WWOX: variants seen among roughly 807,000 people sequenced by gnomAD.
WWOX encodes the protein WW domain containing oxidoreductase, also known as WW domain-containing oxidoreductase.
In WWOX, 69 loss-of-function variants were observed where a neutral mutation model predicts 46.2. The observed-to-expected ratio is 1.49, with a 90% CI of 1.23 to 1.82. WWOX has a LOEUF of 1.82. Ranked by LOEUF, WWOX falls within the 40% of genes most tolerant of loss-of-function variation. The pLI, the probability that WWOX is intolerant of heterozygous loss-of-function variation, is 0.00. For synonymous variants in WWOX, 359 were observed against 202.6 expected, an observed-to-expected ratio of 1.77 and a Z score of -6.56; for missense variants, 919 against 542.6, an observed-to-expected ratio of 1.69 and a Z score of -6.89.
At chr16:78,737,956 C>G (rs752933050) in intron 8 of WWOX, among the ~76,000 whole-genome samples, 2 of 152,104 alleles carry the variant, frequency 1.3e-5, no homozygotes, top group East Asian at 1.9e-4. Flanking sequence ...TTCCCCATCC[C>G]AAGAGAAAGG....
At chr16:78,168,132 T>G (rs886734816) in intron 5 of WWOX, 2 of 152,214 alleles carry the variant, frequency 1.3e-5, no homozygotes, top group Non-Finnish European at 2.9e-5. Context: ...TTGGGCCATT[T>G]GGCTCAGCGG....
chr16:78,549,472 T>C (rs185176051), intron 8 of WWOX, among the ~76,000 whole-genome samples: 1 of 152,198 alleles, frequency 6.6e-6, no homozygotes. Flanking sequence ...AGTCATGATA[T>C]GCGGTTCAGA....
intron 8 of WWOX, among the ~76,000 whole-genome samples, chr16:78,640,391 T>A (rs118046423): frequency 0.025 from 3,790 of 152,096 alleles, 65 homozygotes; most frequent in East Asian, 0.059. Flanking sequence ...AATCCTGGTG[T>A]TCAGAATTGG....
At position 78,473,313 on chromosome 16, in the gene WWOX, G is replaced by A. The variant is rs114399571; in HGVS notation, c.1056+40561G>A. Among the ~76,000 whole-genome samples the A allele has an allele frequency of 1.9e-3, 288 of 152,178 alleles. 1 individual carries two copies. Among genetic ancestry groups the A allele is most frequent in the African/African-American group, 6.6e-3 (274 of 41,536 alleles). On this transcript the variant is annotated intron_variant, in intron 8 of 8. Coordinates refer to ENST00000566780, the MANE Select transcript of WWOX (RefSeq NM_016373.4). ...CCTGGGTAATTTTTGTAGTTTTAGT[G>A]GAGACAGGATTTCACCATGTTGGCC...
chr16:78,117,708 A>G (rs149558204), intron 4 of WWOX, among the ~76,000 whole-genome samples: 35 of 152,328 alleles, frequency 2.3e-4, no homozygotes, highest in African/African-American at 8.4e-4. Flanking sequence ...CCGCTCATTT[A>G]AAATGAAATA....
In WWOX at chr16:78,882,593, C is replaced by CGCCTCCCGAGTA. The variant is rs113191094; in HGVS notation, c.1057-329000_1057-328989dup. Among the ~76,000 whole-genome samples the CGCCTCCCGAGTA allele has an allele frequency of 2.7e-5, 4 of 150,786 alleles. No homozygotes were observed. In the South Asian group the frequency reaches 8.4e-4, roughly 32 times the overall value. ...CCAGGTTCAAGTGATCCTCTCTCCT[C>CGCCTCCCGAGTA]GCCTCCCGAGTAGCCTCCCGAGTAG... On this transcript the variant is annotated intron_variant, in intron 8 of 8. Transcript: ENST00000566780.
intron 8 of WWOX, among the ~76,000 whole-genome samples, chr16:78,518,438 C>T (rs1396495208): frequency 6.6e-6 from 1 of 152,038 alleles, no homozygotes; most frequent in Non-Finnish European, 1.5e-5. Context: ...CCAGGTTGGT[C>T]GTGAACTCCT....
chr16:78,909,920 G>A (rs1397058844), intron 8 of WWOX, among the ~76,000 whole-genome samples: 2 of 152,174 alleles, frequency 1.3e-5, no homozygotes, highest in East Asian at 3.9e-4. Flanking sequence ...CAAGCTAATT[G>A]TAATGATATT....
chr16:78,379,378 TAA>T (rs2081902556), intron 5 of WWOX, among the ~76,000 whole-genome samples: 1 of 152,056 alleles, frequency 6.6e-6, no homozygotes, highest in Admixed American at 6.5e-5. Context: ...GTCCCCCAGT[TAA>T]AAGAGAATTT....
intron 8 of WWOX, among the ~76,000 whole-genome samples, chr16:78,967,508 T>C (rs1471960180): frequency 1.3e-5 from 2 of 148,814 alleles, no homozygotes; most frequent in East Asian, 4.0e-4. Context: ...TTTCACCATG[T>C]TCTCCAGGCT....
At chr16:78,754,707 T>C (rs1254964741) in intron 8 of WWOX, among the ~76,000 whole-genome samples, 5 of 152,194 alleles carry the variant, frequency 3.3e-5, no homozygotes, top group Non-Finnish European at 7.3e-5. Context: ...GCAGTGCATT[T>C]ATTTGGTTTT....
chr16:78,930,327 G>C (rs1389084860), intron 8 of WWOX, among the ~76,000 whole-genome samples: 1 of 136,954 alleles, frequency 7.3e-6, no homozygotes, highest in Non-Finnish European at 1.6e-5. Context: ...ACCCAGACTG[G>C]AGTGCAGTGG....
chr16:78,281,378 A>G (rs895451341), intron 5 of WWOX, among the ~76,000 whole-genome samples: 9 of 152,322 alleles, frequency 5.9e-5, no homozygotes, highest in African/African-American at 2.2e-4. Flanking sequence ...GTTCAGGGAT[A>G]TCTGGGAAGG....
At chr16:78,273,839 TAGG>T (rs1322378208) in intron 5 of WWOX, among the ~76,000 whole-genome samples, 4 of 152,166 alleles carry the variant, frequency 2.6e-5, no homozygotes, top group Non-Finnish European at 5.9e-5. Flanking sequence ...TCGCTGAAGA[TAGG>T]AGGAGTCCTT....
chr16:78,502,071 A>G (rs748552395), intron 8 of WWOX, among the ~76,000 whole-genome samples: 2 of 152,158 alleles, frequency 1.3e-5, no homozygotes, highest in Non-Finnish European at 2.9e-5. Context: ...CTGGATGCTA[A>G]TGCTATTCTC....
rs60074156 is a variant in WWOX at position 79,074,409 on chromosome 16, C to CTTTTTTTTTTTTTTTTTTTTTTTTTTT, written c.1057-137192_1057-137166dup. On this transcript the variant is annotated intron_variant, in intron 8 of 8. Transcript: ENST00000566780. ...CATCCTGACTGAAATGTCACTAGTC[C>CTTTTTTTTTTTTTTTTTTTTTTTTTTT]TTTTTTTTTTTTTTTTTTTTTTTTT... 1.2e-3 allele frequency among the ~76,000 whole-genome samples: 38 copies of CTTTTTTTTTTTTTTTTTTTTTTTTTTT among 30,992 alleles called. 10 individuals are homozygous for CTTTTTTTTTTTTTTTTTTTTTTTTTTT. Among genetic ancestry groups the CTTTTTTTTTTTTTTTTTTTTTTTTTTT allele is most frequent in the Non-Finnish European group, 1.5e-3 (28 of 18,140 alleles). The allele number at this position is 30,992 out of a possible 152,430, so 20.3% of individuals were successfully genotyped here.
At chr16:79,051,884 C>G (rs1489185751) in intron 8 of WWOX, among the ~76,000 whole-genome samples, 1 of 152,228 alleles carries the variant, frequency 6.6e-6, no homozygotes. Context: ...AATATTTGCC[C>G]TGGCATGCTT....
Position 78,415,410 on chromosome 16 carries a change from T to C in WWOX, c.606-9460T>C, listed in dbSNP as rs529828339. ...CAACCTATTTTATCAGCAAGGTCTT[T>C]ATGACCTGTATCTTGTGCTGACCTC... is the stretch of plus-strand genomic sequence containing the variant. On this transcript the variant is annotated intron_variant, in intron 6 of 8. Coordinates refer to ENST00000566780, the MANE Select transcript of WWOX (RefSeq NM_016373.4). Among the ~76,000 whole-genome samples, 10 of 152,276 alleles carry C rather than the reference T, an allele frequency of 6.6e-5. No individual in the cohort carries two copies. The East Asian group carries it at 1.4e-3, about 21-fold the overall frequency.
chr16:78,698,203 A>C (rs1016891638), intron 8 of WWOX, among the ~76,000 whole-genome samples: 8 of 152,214 alleles, frequency 5.3e-5, no homozygotes, highest in African/African-American at 1.9e-4. Flanking sequence ...ACAAGGTCAG[A>C]CAACACAGAT....
Sources: gnomAD v4.1 joint callset for allele counts (sites outside exome capture counted in the v4.1 genomes callset) on GRCh38, gnomAD v4.1.1 for gene constraint, MANE v1.5 for transcripts, NCBI Gene and HGNC (gene_info 2026-07-23, HGNC 2026-07-21) for gene names.